CNKSR2: variants seen among roughly 807,000 people sequenced by gnomAD.
CNKSR2 encodes CNK homolog protein 2.
CNKSR2 carries 14 observed loss-of-function variants against 84.4 expected under a neutral mutation model. The observed-to-expected ratio is 0.17, with a 90% CI of 0.11 to 0.26. The LOEUF is 0.26. Ranked by LOEUF, CNKSR2 falls within the 10% of genes least tolerant of loss-of-function variation. The pLI, the probability that CNKSR2 is intolerant of heterozygous loss-of-function variation, is 1.00. For synonymous variants in CNKSR2, 275 were observed against 277.9 expected (o/e 0.99, Z 0.10); for missense variants, 485 against 771.2 (o/e 0.63, Z 4.40).
At chrX:21,455,349 A>G (rs1008679832) in intron 4 of CNKSR2, among the ~76,000 whole-genome samples, 5 of 111,664 alleles carry the variant, frequency 4.5e-5, no homozygotes, top group African/African-American at 1.6e-4. Context: ...TTATTTTATT[A>G]TTAAACAAAC....
At chrX:21,598,487 A>G (rs1322113056) in intron 17 of CNKSR2, among the ~76,000 whole-genome samples, 2 of 111,753 alleles carry the variant, frequency 1.8e-5, no homozygotes, top group Non-Finnish European at 3.8e-5. Context: ...TAGGTTCAAT[A>G]TCACCTTACC....
chrX:21,520,167 T>G (rs1211009672), intron 9 of CNKSR2, among the ~76,000 whole-genome samples: 1 of 111,493 alleles, frequency 9.0e-6, no homozygotes, highest in Non-Finnish European at 1.9e-5. Flanking sequence ...TTTCATTAAA[T>G]TGGCAGCTCT....
At chrX:21,501,476 G>T (rs2091559328) in intron 7 of CNKSR2, 44 bp from the exon 8 acceptor site, 1 of 848,675 alleles carries the variant, frequency 1.2e-6, no homozygotes, top group Non-Finnish European at 1.7e-6. Flanking sequence ...GGAAATGACT[G>T]ATAAAATTTA....
intron 3 of CNKSR2, among the ~76,000 whole-genome samples, chrX:21,433,653 T>TACACACACACACAC (rs56377458): frequency 4.6e-5 from 4 of 87,553 alleles, no homozygotes; most frequent in African/African-American, 1.6e-4. Flanking sequence ...TATGTGTTCC[T>TACACACACACACAC]ACACACACAC....
intron 9 of CNKSR2, 28 bp from the exon 10 acceptor site, chrX:21,526,839 T>C: frequency 8.6e-7 from 1 of 1,161,795 alleles, no homozygotes; most frequent in South Asian, 1.8e-5. Flanking sequence ...TTTGTGTGCG[T>C]ATGTATTTTC....
At chrX:21,514,557 T>A (rs1408512856) in intron 8 of CNKSR2, among the ~76,000 whole-genome samples, 2 of 111,456 alleles carry the variant, frequency 1.8e-5, no homozygotes, top group Non-Finnish European at 3.8e-5. Context: ...TGAATCAAAT[T>A]GCACTGAAAA....
intron 2 of CNKSR2, chrX:21,428,542 G>A (rs749526914): frequency 6.3e-5 from 7 of 111,129 alleles, no homozygotes; most frequent in Non-Finnish European, 9.4e-5. Context: ...ATGATTTGGA[G>A]GTGTAATAAT....
In CNKSR2 at chrX:21,432,836, A is replaced by C. The variant is rs766830911; in HGVS notation, c.431+22A>C. The C allele has an allele frequency of 1.9e-5, 23 of 1,190,006 alleles. No homozygotes were observed. In the Admixed American group the frequency reaches 4.7e-4, roughly 24 times the overall value. ...ACAGGTAAAGTCTTCCGCATGTTTC[A>C]TAAGTATCCTCTCCTCAGACACCAG... is the stretch of plus-strand genomic sequence containing the variant. On this transcript the variant is annotated intron_variant, in intron 3 of 21. Coordinates refer to ENST00000379510, the MANE Select transcript of CNKSR2 (RefSeq NM_014927.5).
intron 1 of CNKSR2, among the ~76,000 whole-genome samples, chrX:21,379,849 A>G (rs946418761): frequency 7.2e-5 from 8 of 111,665 alleles, no homozygotes; most frequent in Non-Finnish European, 1.3e-4. Context: ...GAAGATGATA[A>G]TTTTATTGAA....
chrX:21,597,864 T>C (rs1460732486), intron 17 of CNKSR2, among the ~76,000 whole-genome samples: 1 of 109,870 alleles, frequency 9.1e-6, no homozygotes, highest in East Asian at 2.8e-4. Flanking sequence ...ACCTACTTCT[T>C]ATGAAAATAC....
At chrX:21,458,066 T>C (rs1325228104) in intron 4 of CNKSR2, among the ~76,000 whole-genome samples, 1 of 111,913 alleles carries the variant, frequency 8.9e-6, no homozygotes, top group Non-Finnish European at 1.9e-5. Flanking sequence ...GATGTGGCCT[T>C]TACTGTTATT....
chrX:21,420,073 C>T (rs1266777336), intron 1 of CNKSR2, among the ~76,000 whole-genome samples: 1 of 112,237 alleles, frequency 8.9e-6, no homozygotes, highest in Non-Finnish European at 1.9e-5. Flanking sequence ...ACCTGGTGTT[C>T]TGTTGTACTG....
chrX:21,545,983 G>C (rs754189415), intron 11 of CNKSR2, among the ~76,000 whole-genome samples: 1 of 111,287 alleles, frequency 9.0e-6, no homozygotes, highest in Non-Finnish European at 1.9e-5. Flanking sequence ...AGCACAAAAG[G>C]CTGAAAATTC....
At chrX:21,456,584 G>T (rs1328479849) in intron 4 of CNKSR2, among the ~76,000 whole-genome samples, 2 of 111,670 alleles carry the variant, frequency 1.8e-5, no homozygotes, top group African/African-American at 6.5e-5. Flanking sequence ...TTGTGTGTGT[G>T]TATGTGTGTA....
intron 20 of CNKSR2, among the ~76,000 whole-genome samples, chrX:21,631,490 T>A: frequency 8.9e-6 from 1 of 112,149 alleles, no homozygotes; most frequent in Non-Finnish European, 1.9e-5. Flanking sequence ...TATTTATCTA[T>A]CATTTGGTGG....
At chrX:21,404,885 T>C (rs1368215470) in intron 1 of CNKSR2, among the ~76,000 whole-genome samples, 1 of 109,725 alleles carries the variant, frequency 9.1e-6, no homozygotes, top group Non-Finnish European at 1.9e-5. Context: ...ACACAACTTA[T>C]GGGGTAATTT....
intron 8 of CNKSR2, chrX:21,504,765 T>C (rs1165981861): frequency 6.8e-6 from 2 of 294,155 alleles, no homozygotes; most frequent in African/African-American, 5.5e-5. Context: ...TCCTTTTTCA[T>C]GTTGCTATAT....
At chrX:21,646,082 C>T (rs906161359) in intron 20 of CNKSR2, among the ~76,000 whole-genome samples, 1 of 111,164 alleles carries the variant, frequency 9.0e-6, no homozygotes, top group Non-Finnish European at 1.9e-5. Flanking sequence ...CTCAGTCCCT[C>T]GTCCTTACTC....
At chrX:21,648,378 C>T (rs377290205) in intron 20 of CNKSR2, among the ~76,000 whole-genome samples, 1 of 111,228 alleles carries the variant, frequency 9.0e-6, no homozygotes, top group African/African-American at 3.3e-5. Context: ...CTAAACCAGG[C>T]GAGCTCTATT....
Sources: gnomAD v4.1 joint callset for allele counts (sites outside exome capture counted in the v4.1 genomes callset) on GRCh38, gnomAD v4.1.1 for gene constraint, MANE v1.5 for transcripts, NCBI Gene and HGNC (gene_info 2026-07-23, HGNC 2026-07-21) for gene names.